The following LEPR variants were observed in gnomAD, a reference collection of about 807,000 sequenced individuals.
LEPR encodes leptin receptor.
Under a neutral mutation model 114.7 loss-of-function variants are expected in LEPR, and 56 were observed. That is an observed-to-expected ratio of 0.49 (90% CI 0.39 to 0.61). The LOEUF (loss-of-function observed/expected upper bound fraction) is 0.61. Among genes scored for constraint, LEPR ranks in the 20% least tolerant of loss-of-function variants. The probability of loss-of-function intolerance (pLI) is 0.00; values close to 1 mark genes in which losing one functional copy is unlikely to be tolerated. For synonymous variants in LEPR, 443 were observed against 461.4 expected (o/e 0.96, Z 0.51); for missense variants, 1,202 against 1,352.9 (o/e 0.89, Z 1.75).
chr1:65,566,910 T>C (rs1217239622), intron 3 of LEPR, among the ~76,000 whole-genome samples: 1 of 152,248 alleles, frequency 6.6e-6, no homozygotes, highest in Non-Finnish European at 1.5e-5. Flanking sequence ...CACAAGGGAC[T>C]ATCAAAGAGA....
At position 65,636,367 on chromosome 1, in the gene LEPR, G is replaced by C; in HGVS notation, c.2850G>C (p.Lys950Asn). ...TACTTTCAACAACAGATCTTGAAAA[G>C]GGTTCTGTTTGTATTAGTGACCAGT... The part of the protein sequence containing the change: ...VSLLSTTDLE[K>N]GSVCISDQFN... The change falls in exon 20 of 20, where the codon AAG (lysine) becomes AAC (asparagine). Residue 950 changes from lysine to asparagine, a missense_variant. Physicochemically the swap from Lys to Asn is moderately conservative, Grantham distance 94 (BLOSUM62 0). Coordinates refer to ENST00000349533, the MANE Select transcript of LEPR (RefSeq NM_002303.6). 6.2e-7 allele frequency: 1 copy of C among 1,614,080 alleles called. No individual in the cohort carries two copies.
chr1:65,628,828 A>G (rs1460874661), intron 19 of LEPR, among the ~76,000 whole-genome samples: 1 of 152,164 alleles, frequency 6.6e-6, no homozygotes, highest in Non-Finnish European at 1.5e-5. Flanking sequence ...TTGAAAAAAT[A>G]TATGTGAATG....
chr1:65,608,722 C>T (rs376884033), intron 11 of LEPR, 31 bp from the exon 12 acceptor site: 162 of 1,602,808 alleles, frequency 1.0e-4, no homozygotes, highest in Non-Finnish European at 1.1e-4. Flanking sequence ...TTTAAATTAC[C>T]ATCACTTAAT....
At chr1:65,546,950 A>T (rs1469642758) in intron 2 of LEPR, among the ~76,000 whole-genome samples, 1 of 152,208 alleles carries the variant, frequency 6.6e-6, no homozygotes, top group Non-Finnish European at 1.5e-5. Context: ...TGGATTTGTC[A>T]TAGATAGCTC....
intron 2 of LEPR, among the ~76,000 whole-genome samples, chr1:65,523,542 C>T (rs888250178): frequency 2.6e-5 from 4 of 152,118 alleles, no homozygotes; most frequent in Admixed American, 2.0e-4. Context: ...AACTCCTGGG[C>T]TCAAGTAGTC....
At chr1:65,516,134 C>T (rs1649271358) in intron 2 of LEPR, among the ~76,000 whole-genome samples, 2 of 152,100 alleles carry the variant, frequency 1.3e-5, no homozygotes, top group Admixed American at 1.3e-4. Flanking sequence ...AACTTTTATA[C>T]TCAAGGTTTA....
intron 2 of LEPR, among the ~76,000 whole-genome samples, chr1:65,427,026 G>A (rs57792498): frequency 0.12 from 17,467 of 151,822 alleles, 1,821 homozygotes; most frequent in African/African-American, 0.28. Context: ...ATGATGATGT[G>A]GTTAAGACCT....
At chr1:65,570,935 C>A in intron 4 of LEPR, 133 bp downstream of exon 4, 2 of 738,072 alleles carry the variant, frequency 2.7e-6, no homozygotes, top group Non-Finnish European at 3.9e-6. Flanking sequence ...AATTAGGATT[C>A]ATTATGTGAA....
intron 2 of LEPR, among the ~76,000 whole-genome samples, chr1:65,545,731 T>C (rs1344270112): frequency 6.6e-6 from 1 of 152,172 alleles, no homozygotes; most frequent in South Asian, 2.1e-4. Context: ...GAGTAGTTTG[T>C]GAAAATTTTC....
intron 2 of LEPR, among the ~76,000 whole-genome samples, chr1:65,444,482 T>C (rs1008218416): frequency 6.6e-6 from 1 of 151,694 alleles, no homozygotes; most frequent in African/African-American, 2.4e-5. Flanking sequence ...CCTGTGCACA[T>C]GTGCATGTGA....
intron 2 of LEPR, among the ~76,000 whole-genome samples, chr1:65,504,091 C>A (rs879819655): frequency 6.6e-6 from 1 of 151,970 alleles, no homozygotes; most frequent in Non-Finnish European, 1.5e-5. Flanking sequence ...TACGCTGGGA[C>A]GATTTGAGCA....
At chr1:65,558,556 T>A in intron 2 of LEPR, among the ~76,000 whole-genome samples, 1 of 81,202 alleles carries the variant, frequency 1.2e-5, no homozygotes, top group East Asian at 2.7e-4. Flanking sequence ...TTTGTTTTTT[T>A]TTTTTTTTAT....
At chr1:65,595,068 CA>C (rs1220451678) in intron 6 of LEPR, among the ~76,000 whole-genome samples, 2 of 151,960 alleles carry the variant, frequency 1.3e-5, no homozygotes, top group African/African-American at 4.8e-5. Flanking sequence ...ATGACTATGA[CA>C]CATCCACAGG....
chr1:65,601,302 T>C (rs1481332368), intron 8 of LEPR, 90 bp from the exon 9 acceptor site: 5 of 1,473,570 alleles, frequency 3.4e-6, no homozygotes, highest in Non-Finnish European at 4.7e-6. Context: ...AGTGTAACTC[T>C]GGAATGTGTT....
intron 2 of LEPR, among the ~76,000 whole-genome samples, chr1:65,554,087 C>T (rs991550642): frequency 3.3e-5 from 5 of 152,144 alleles, no homozygotes; most frequent in African/African-American, 9.7e-5. Context: ...CAGCTTCGTC[C>T]CAGAGGGGTA....
chr1:65,446,634 A>C (rs1212861610), intron 2 of LEPR, among the ~76,000 whole-genome samples: 1 of 152,166 alleles, frequency 6.6e-6, no homozygotes, highest in East Asian at 1.9e-4. Context: ...TGATTTCTTA[A>C]TACTGAGTTT....
chr1:65,430,148 A>C, intron 2 of LEPR: 1 of 1,045,316 alleles, frequency 9.6e-7, no homozygotes, highest in South Asian at 2.7e-5. Context: ...TAGGCTTTAT[A>C]CTCAAGGCCG....
intron 2 of LEPR, among the ~76,000 whole-genome samples, chr1:65,537,710 C>T (rs1471692161): frequency 1.3e-5 from 2 of 152,132 alleles, no homozygotes; most frequent in African/African-American, 2.4e-5. Context: ...TATATTATAA[C>T]ACCTAAATCT....
rs563268769 is a variant in LEPR, at chr1:65,634,334, A to T, written c.2674-1857A>T. On this transcript the variant is annotated intron_variant, in intron 19 of 19. Transcript: ENST00000349533. Reference sequence around the variant, plus strand: ...TGTCTTTCTTCCCTTCTTGACTTCTAATAGGTGTCATTGAAATGTAAAATC... The same window carrying T: ...TGTCTTTCTTCCCTTCTTGACTTCTTATAGGTGTCATTGAAATGTAAAATC... 4 of 980,918 alleles carry T rather than the reference A, an allele frequency of 4.1e-6. No homozygotes were observed. The South Asian group carries it at 1.9e-4, about 46-fold the overall frequency. 60.8% of individuals were successfully genotyped at this position (980,918 alleles called of 1,614,324 possible). A position where few individuals can be genotyped will look rare whatever the true frequency, so the allele number is the denominator to read the frequency against.
Sources: gnomAD v4.1 joint callset for allele counts (sites outside exome capture counted in the v4.1 genomes callset) on GRCh38, gnomAD v4.1.1 for gene constraint, MANE v1.5 for transcripts, NCBI Gene and HGNC (gene_info 2026-07-23, HGNC 2026-07-21) for gene names.